PHF8: variants seen among roughly 807,000 people sequenced by gnomAD.
PHF8 encodes PHD finger protein 8.
Under a neutral mutation model 74.4 loss-of-function variants are expected in PHF8, and 9 were observed. That is an observed-to-expected ratio of 0.12 (90% CI 0.07 to 0.21). The LOEUF is 0.21. PHF8 is among the 10% of genes least tolerant of loss of function. The pLI is 1.00. For missense variants in PHF8, 478 were observed against 816.6 expected (o/e 0.59, Z 5.05); for synonymous variants, 311 against 316.6 (o/e 0.98, Z 0.19).
intron 2 of PHF8, among the ~76,000 whole-genome samples, chrX:54,038,991 G>A (rs1320614782): frequency 9.1e-6 from 1 of 109,502 alleles, no homozygotes; most frequent in Non-Finnish European, 1.9e-5. Context: ...AAAATGAGCC[G>A]GGTGTGGTGG....
intron 19 of PHF8, among the ~76,000 whole-genome samples, chrX:53,955,493 G>T (rs1415130433): frequency 9.2e-6 from 1 of 108,416 alleles, no homozygotes; most frequent in East Asian, 2.9e-4. Context: ...CAGATACAAT[G>T]ATGGCCAAAA....
chrX:54,011,667 G>A (rs1309461443), intron 7 of PHF8, among the ~76,000 whole-genome samples: 1 of 111,053 alleles, frequency 9.0e-6, no homozygotes, highest in African/African-American at 3.3e-5. Flanking sequence ...CTGATGAGAA[G>A]AAAATTGAAT....
intron 18 of PHF8, among the ~76,000 whole-genome samples, chrX:53,983,706 TAGTAAA>T (rs1349502432): frequency 3.6e-5 from 4 of 112,209 alleles, no homozygotes; most frequent in African/African-American, 1.3e-4. Context: ...GCAGCATTGT[TAGTAAA>T]AGTAAAAACT....
chrX:54,045,711 C>T (rs1198866168), upstream of PHF8, among the ~76,000 whole-genome samples: 2 of 112,232 alleles, frequency 1.8e-5, no homozygotes, highest in South Asian at 7.2e-4. Flanking sequence ...AAAGGATCAA[C>T]GTGTACAAAT....
At chrX:53,958,936 T>A (rs2065059384) in intron 19 of PHF8, among the ~76,000 whole-genome samples, 1 of 110,329 alleles carries the variant, frequency 9.1e-6, no homozygotes, top group African/African-American at 3.3e-5. Flanking sequence ...GAGTAAATAA[T>A]CAGAGATATA....
At position 53,963,198 on chromosome X, in the gene PHF8, T is replaced by C. The variant is rs188150473; in HGVS notation, c.2444-259A>G. On this transcript the variant is annotated intron_variant, in intron 18 of 21. Coordinates refer to ENST00000338154, the MANE Select transcript of PHF8 (RefSeq NM_015107.3). ...CCATTTAGTGAATAACTTCATGAGT[T>C]ACTTTACTTACTCACCCTTCAAAAT... 1.3e-3 allele frequency among the ~76,000 whole-genome samples: 149 copies of C among 111,876 alleles called. 1 individual carries two copies. The highest frequency in any genetic ancestry group is 4.7e-3 in the African/African-American group (145 of 30,841).
At chrX:54,023,960 G>A (rs185996488) in intron 2 of PHF8, among the ~76,000 whole-genome samples, 4 of 110,609 alleles carry the variant, frequency 3.6e-5, no homozygotes, top group Non-Finnish European at 5.7e-5. Flanking sequence ...GCTCATAAAT[G>A]GACTTCCTGG....
chrX:54,040,790 A>G (rs1557115654), intron 2 of PHF8, among the ~76,000 whole-genome samples: 1 of 112,056 alleles, frequency 8.9e-6, no homozygotes, highest in African/African-American at 3.2e-5. Flanking sequence ...CGAACCACTG[A>G]AAGAAGAATG....
At chrX:53,945,138 G>A (rs1389717051) in intron 19 of PHF8, among the ~76,000 whole-genome samples, 1 of 110,547 alleles carries the variant, frequency 9.0e-6, no homozygotes, top group Non-Finnish European at 1.9e-5. Context: ...GAGGTCAGGA[G>A]ATCAAGACCA....
chrX:53,951,794 A>G (rs183175380), intron 19 of PHF8, among the ~76,000 whole-genome samples: 1,563 of 111,256 alleles, frequency 0.014, 13 homozygotes, highest in South Asian at 0.033. Context: ...GAAGTGACTC[A>G]CAACATAAAG....
At chrX:53,965,738 A>G (rs1337973333) in intron 18 of PHF8, among the ~76,000 whole-genome samples, 1 of 112,260 alleles carries the variant, frequency 8.9e-6, no homozygotes, top group African/African-American at 3.2e-5. Flanking sequence ...TAGTTGGGAA[A>G]AGTCACTAAA....
chrX:53,939,243 T>C lies in PHF8; in HGVS notation c.2990A>G (p.Lys997Arg). 1.7e-6 allele frequency: 2 copies of C among 1,206,981 alleles called. No individual in the cohort carries two copies. Among genetic ancestry groups the C allele is most frequent in the South Asian group, 3.5e-5 (2 of 56,563 alleles). ...GSQSNQAGQGKRPKKGLATAK... is the reference protein window; with the variant it reads ...GSQSNQAGQGRRPKKGLATAK... ...TGTGGCCAGGCCCTTTTTGGGACGC[T>C]TTCCTGTGGGGGAAGGGAAAAGTAA... The change falls in exon 22 of 22, where the codon AAG becomes AGG. Residue 997 changes from lysine (K) to arginine (R), a missense_variant. Around this residue, in one of 9 missense-constraint regions of PHF8, gnomAD observed 75 missense variants for 93.3 expected, o/e 0.80. Transcript: ENST00000338154.
intron 8 of PHF8, among the ~76,000 whole-genome samples, chrX:54,003,918 G>A (rs994819255): frequency 9.0e-6 from 1 of 111,430 alleles, no homozygotes; most frequent in African/African-American, 3.3e-5. Context: ...CACCCTTCTA[G>A]TGTTGCTCTC....
intron 18 of PHF8, among the ~76,000 whole-genome samples, chrX:53,978,512 T>C (rs1603310231): frequency 9.0e-6 from 1 of 111,125 alleles, no homozygotes; most frequent in Middle Eastern, 4.6e-3. Flanking sequence ...AAAGCCATTA[T>C]GGTGGGCCGG....
At chrX:54,032,737 GGCACATA>G (rs1379873720) in intron 2 of PHF8, among the ~76,000 whole-genome samples, 1 of 103,522 alleles carries the variant, frequency 9.7e-6, no homozygotes, top group Non-Finnish European at 1.9e-5. Context: ...AACAATGCCT[GGCACATA>G]GCACATATCT....
chrX:53,985,130 G>T lies in PHF8; in HGVS notation c.2227C>A (p.Leu743Met). 8.3e-7 allele frequency: 1 copy of T among 1,209,107 alleles called. No individual in the cohort carries two copies. The highest frequency in any genetic ancestry group is 1.8e-5 in the South Asian group (1 of 56,563). Residue 743 changes from leucine to methionine, a missense_variant, in exon 18 of 22, where the codon CTG (leucine) becomes ATG (methionine). Leu to Met is a conservative substitution (Grantham distance 15). Transcript: ENST00000338154. ...SSSSSPATSSLQAWWTGGQDR... is the reference protein window; with the variant it reads ...SSSSSPATSSMQAWWTGGQDR... The stretch of plus-strand genomic sequence containing the variant: ...TGTCCCCCAGTCCACCAGGCCTGCA[G>T]GCTAGAGGTAGCCGGTGAGGACGAT...
At chrX:54,047,252 A>G (rs2066638811), upstream of PHF8, among the ~76,000 whole-genome samples, 1 of 112,069 alleles carries the variant, frequency 8.9e-6, no homozygotes, top group Admixed American at 9.5e-5. Context: ...GGAAACTGAT[A>G]ATAGCAGATG....
At chrX:53,943,396 T>G in intron 20 of PHF8, 1 of 1,014,516 alleles carries the variant, frequency 9.9e-7, no homozygotes, top group Non-Finnish European at 1.3e-6. Flanking sequence ...AGCTTCATTT[T>G]CTTCACCTAT....
chrX:53,945,003 C>T (rs1483506238), intron 19 of PHF8, among the ~76,000 whole-genome samples: 2 of 109,517 alleles, frequency 1.8e-5, no homozygotes, highest in Non-Finnish European at 3.8e-5. Flanking sequence ...GCCTCAGCGA[C>T]ACAGTGAAAC....
Sources: allele counts gnomAD v4.1 joint callset (sites outside exome capture counted in the v4.1 genomes callset), GRCh38; gene constraint gnomAD v4.1.1; regional missense constraint gnomAD v4.1.1; transcripts MANE v1.5; gene names NCBI Gene and HGNC (gene_info 2026-07-23, HGNC 2026-07-21).